The following PSORS1C1 variants were observed in gnomAD, a reference collection of about 807,000 sequenced individuals.
PSORS1C1 encodes the protein psoriasis susceptibility 1 candidate gene 1 protein.
Under a neutral mutation model 9.4 loss-of-function variants are expected in PSORS1C1, and 7 were observed. That is an observed-to-expected ratio of 0.75 (90% CI 0.42 to 1.40). PSORS1C1 has a LOEUF of 1.40. Ranked by LOEUF, PSORS1C1 falls within the 40% of genes most tolerant of loss-of-function variation. PSORS1C1 has a pLI of 0.01. For missense variants in PSORS1C1, 146 were observed against 178.1 expected (o/e 0.82, Z 1.02); for synonymous variants, 63 against 69.4 (o/e 0.91, Z 0.46).
chr6:31,130,238 T>C (rs1772847322), intron 3 of PSORS1C1, among the ~76,000 whole-genome samples: 1 of 151,698 alleles, frequency 6.6e-6, no homozygotes, highest in South Asian at 2.1e-4. Context: ...GAGATGTATG[T>C]GTTTCTCCCC....
At position 31,139,831 on chromosome 6, in the gene PSORS1C1, C is replaced by A. The variant is rs1292478131; in HGVS notation, c.358C>A (p.Pro120Thr). The change falls in exon 6 of 6, where the codon CCC becomes ACC. Residue 120 changes from proline (P) to threonine (T), a missense_variant. Coordinates refer to ENST00000259881, the MANE Select transcript of PSORS1C1 (RefSeq NM_014068.3). The surrounding 1 kb of genome is among the most constrained non-coding windows in gnomAD (Gnocchi z 5.2). ...RLQQPQPLPP[P>T]SGIHLSASRT... ...CCAGCAACCTCAGCCCCTTCCTCCT[C>A]CCTCAGGAATCCACCTATCCGCCTC... is the stretch of plus-strand genomic sequence containing the variant. The A allele has an allele frequency of 1.2e-6, 2 of 1,613,000 alleles. No individual in the cohort carries two copies. The highest frequency in any genetic ancestry group is 1.7e-6 in the Non-Finnish European group (2 of 1,180,030).
rs763714850 is a variant in PSORS1C1, at chr6:31,137,929, C to G, written c.14-501C>G. 2.3e-6 allele frequency: 3 copies of G among 1,283,022 alleles called. 1 individual carries two copies. Among genetic ancestry groups the G allele is most frequent in the South Asian group, 3.5e-5 (2 of 56,590 alleles). 79.5% of individuals were successfully genotyped at this position (1,283,022 alleles called of 1,614,324 possible). ...GTGGGTGCCTGGAGATGCCTGGGAA[C>G]AGAACGGCTGAGGGGACTCCATTAT... On this transcript the variant is annotated intron_variant, in intron 3 of 5. Transcript: ENST00000259881.
At chr6:31,125,335 G>T (rs1772631311) in intron 1 of PSORS1C1, among the ~76,000 whole-genome samples, 1 of 152,000 alleles carries the variant, frequency 6.6e-6, no homozygotes, top group Non-Finnish European at 1.5e-5. Flanking sequence ...CTTCCCTGTG[G>T]ACTCACCTCT....
intron 1 of PSORS1C1, among the ~76,000 whole-genome samples, chr6:31,121,548 CG>C (rs1229450943): frequency 1.3e-5 from 2 of 152,194 alleles, no homozygotes; most frequent in African/African-American, 4.8e-5. Context: ...GCCCCTGCCC[CG>C]CCCCAGCCAA....
chr6:31,139,645 G>T lies in PSORS1C1; in HGVS notation c.172G>T (p.Ala58Ser), dbSNP rs2233944. 2.0e-3 allele frequency: 3,184 copies of T among 1,611,460 alleles called. 60 individuals are homozygous for T. The African/African-American group carries it at 0.034, about 17-fold the overall frequency. ...CTCCACCATGTCCTTCTTCAGGCAT[G>T]CAGGGGACCTCCAAGCAATGATATC... ...HMEPANHFWH[A>S]GDLQAMISKE... Residue 58 changes from alanine (A) to serine (S), a missense_variant, in exon 6 of 6, where the codon GCA becomes TCA. By Grantham distance (99) the Ala-to-Ser change is moderately conservative. Coordinates refer to ENST00000259881, the MANE Select transcript of PSORS1C1 (RefSeq NM_014068.3). The surrounding 1 kb of genome is among the most constrained non-coding windows in gnomAD (Gnocchi z 5.2).
Position 31,138,763 on chromosome 6 carries a change from C to T in PSORS1C1, c.151C>T (p.Pro51Ser). 3 of 1,614,140 alleles carry T rather than the reference C, an allele frequency of 1.9e-6. No homozygotes were observed. The highest frequency in any genetic ancestry group is 8.5e-7 in the Non-Finnish European group (1 of 1,180,020). ...TCCTGACCGACTTTGCCACATGGAG[C>T]CAGCAAACCATTTCTGGTGAGAGCC... ...VNPDRLCHME[P>S]ANHFWHAGDL... The change falls in exon 5 of 6, where the codon CCA becomes TCA. Residue 51 changes from proline to serine, a missense_variant. Coordinates refer to ENST00000259881, the MANE Select transcript of PSORS1C1 (RefSeq NM_014068.3).
chr6:31,116,100 T>C lies in PSORS1C1; in HGVS notation c.-229+1209T>C, dbSNP rs150111690. 66 of 1,611,966 alleles carry C rather than the reference T, an allele frequency of 4.1e-5. No individual in the cohort carries two copies. In the Middle Eastern group the frequency reaches 1.7e-3, roughly 41 times the overall value. On this transcript the variant is annotated intron_variant, in intron 1 of 5. Coordinates refer to ENST00000259881, the MANE Select transcript of PSORS1C1 (RefSeq NM_014068.3). ...CTAGCTGGGGCCCCAGAGGCTTCAC[T>C]TGGGCTAGGATATCCCGGATGGAGC...
intron 1 of PSORS1C1, among the ~76,000 whole-genome samples, chr6:31,121,045 A>G (rs902021322): frequency 6.7e-6 from 1 of 149,424 alleles, no homozygotes; most frequent in African/African-American, 2.4e-5. Flanking sequence ...CAGGCCAGCC[A>G]CATACCTATT....
rs11311116 is a variant in PSORS1C1, at chr6:31,136,390, C to CAA, written c.14-2026_14-2025dup. On this transcript the variant is annotated intron_variant, in intron 3 of 5. Coordinates refer to ENST00000259881, the MANE Select transcript of PSORS1C1 (RefSeq NM_014068.3). ...TGGGCGACAGAGAGATAATACGTCTCAAAAAAAAAAAAAAAGAAAAGAAAG... is the reference window on the plus strand; with the variant it reads ...TGGGCGACAGAGAGATAATACGTCTCAAAAAAAAAAAAAAAAAGAAAAGAAAG... Among the ~76,000 whole-genome samples the CAA allele has an allele frequency of 1.1e-3, 117 of 102,680 alleles. 1 individual carries two copies. Among genetic ancestry groups the CAA allele is most frequent in the East Asian group, 6.2e-3 (26 of 4,222 alleles). The allele number at this position is 102,680 out of a possible 152,430, so 67.4% of individuals were successfully genotyped here.
In PSORS1C1 at chr6:31,121,075, G is replaced by C. The variant is rs550170519; in HGVS notation, c.-228-4601G>C. 2.7e-3 allele frequency among the ~76,000 whole-genome samples: 408 copies of C among 151,390 alleles called. 2 individuals are homozygous for C. Among genetic ancestry groups the C allele is most frequent in the African/African-American group, 9.2e-3 (381 of 41,226 alleles). On this transcript the variant is annotated intron_variant, in intron 1 of 5. Coordinates refer to ENST00000259881, the MANE Select transcript of PSORS1C1 (RefSeq NM_014068.3). ...CCTATTACGTGTTCCATCACCTGGG[G>C]AACTTTCTCCTTCTCAGAAATGGGG... is the stretch of plus-strand genomic sequence containing the variant.
At chr6:31,138,983 A>G (rs1474860159) in intron 5 of PSORS1C1, 1 of 1,613,990 alleles carries the variant, frequency 6.2e-7, no homozygotes. Context: ...TCTGGTGTGC[A>G]GGCAAAGGAC....
chr6:31,135,473 C>T (rs971897688), intron 3 of PSORS1C1, among the ~76,000 whole-genome samples: 8 of 152,094 alleles, frequency 5.3e-5, no homozygotes, highest in African/African-American at 1.9e-4. Flanking sequence ...CTACCTCAGC[C>T]TCCCAAATGC....
In PSORS1C1 at chr6:31,124,916, C is replaced by T. The variant is rs370075422; in HGVS notation, c.-228-760C>T. On this transcript the variant is annotated intron_variant, in intron 1 of 5. Coordinates refer to ENST00000259881, the MANE Select transcript of PSORS1C1 (RefSeq NM_014068.3). ...CGGCGAGGCGGAGGCTGCAGTGAGC[C>T]GATTTCATGCCACTGCACTCCAGCC... 6.8e-4 allele frequency among the ~76,000 whole-genome samples: 103 copies of T among 152,036 alleles called. No individual in the cohort carries two copies. In the East Asian group the frequency reaches 8.1e-3, roughly 12 times the overall value.
intron 3 of PSORS1C1, chr6:31,133,628 G>A (rs956108221): frequency 2.6e-5 from 4 of 152,210 alleles, no homozygotes; most frequent in African/African-American, 7.2e-5. Flanking sequence ...AACTCACGGC[G>A]TTTACTGCCA....
intron 2 of PSORS1C1, among the ~76,000 whole-genome samples, chr6:31,127,981 C>T (rs2150968350): frequency 6.6e-6 from 1 of 152,318 alleles, no homozygotes; most frequent in African/African-American, 2.4e-5. Flanking sequence ...GAGGGCAGGG[C>T]CCTGATCCCT....
intron 3 of PSORS1C1, chr6:31,137,678 G>T (rs1396316401): frequency 8.0e-6 from 3 of 376,336 alleles, no homozygotes; most frequent in African/African-American, 4.1e-5. Flanking sequence ...AGACCGGGTG[G>T]GAGGTAGGTG....
rs952318977 is a variant in PSORS1C1 at position 31,114,930 on chromosome 6, G to A, written c.-229+39G>A. 9.0e-6 allele frequency: 4 copies of A among 444,214 alleles called. No homozygotes were observed. The East Asian group carries it at 2.8e-4, about 31-fold the overall frequency. The allele number at this position is 444,214 out of a possible 1,614,324, so 27.5% of individuals were successfully genotyped here. Reference sequence around the variant, plus strand: ...ATGGTGGAAGAAAAGGAGTTTGGGTGGGGAGGGGAGGGGAGGGGAGGGAGA... The same window carrying A: ...ATGGTGGAAGAAAAGGAGTTTGGGTAGGGAGGGGAGGGGAGGGGAGGGAGA... On this transcript the variant is annotated intron_variant, in intron 1 of 5. Transcript: ENST00000259881.
chr6:31,115,952 A>T lies in PSORS1C1; in HGVS notation c.-229+1061A>T, dbSNP rs3095297. On this transcript the variant is annotated intron_variant, in intron 1 of 5. Coordinates refer to ENST00000259881, the MANE Select transcript of PSORS1C1 (RefSeq NM_014068.3). This position sits in a 1 kb window ranked among gnomAD's most constrained non-coding sequence, Gnocchi z 4.2. The stretch of plus-strand genomic sequence containing the variant: ...AGCTAACCCTATGCCTGGGCACTGG[A>T]CTTCTCCCATATGGGATATAGTGTA... 1.5e-6 allele frequency: 2 copies of T among 1,360,250 alleles called. No homozygotes were observed. Among genetic ancestry groups the T allele is most frequent in the Admixed American group, 3.4e-5 (2 of 58,922 alleles). The allele number at this position is 1,360,250 out of a possible 1,614,324, so 84.3% of individuals were successfully genotyped here.
chr6:31,122,510 T>C (rs183906779), intron 1 of PSORS1C1, among the ~76,000 whole-genome samples: 3 of 152,108 alleles, frequency 2.0e-5, no homozygotes, highest in Non-Finnish European at 1.5e-5. Context: ...GCACGGTGGC[T>C]CACGCTTGTA....
Sources: allele counts gnomAD v4.1 joint callset (sites outside exome capture counted in the v4.1 genomes callset), GRCh38; gene constraint gnomAD v4.1.1; non-coding constraint Gnocchi (gnomAD v3.1); transcripts MANE v1.5; gene names NCBI Gene and HGNC (gene_info 2026-07-23, HGNC 2026-07-21).